Variants in PLS1 observed in about 807,000 individuals in gnomAD.
PLS1 encodes the protein plastin 1.
A neutral mutation model predicts 73.7 loss-of-function variants in PLS1; 32 were observed. That is an observed-to-expected ratio of 0.43 (90% confidence interval 0.33 to 0.58). The LOEUF (loss-of-function observed/expected upper bound fraction) is 0.58. PLS1 is among the 20% of genes least tolerant of loss of function. The probability of loss-of-function intolerance (pLI) is 0.04; values close to 1 mark genes in which losing one functional copy is unlikely to be tolerated. For synonymous variants in PLS1, 217 were observed against 261.3 expected (o/e 0.83, Z 1.63); for missense variants, 633 against 740.5 (o/e 0.85, Z 1.68).
intron 6 of PLS1, among the ~76,000 whole-genome samples, chr3:142,679,014 T>C (rs1235240681): frequency 3.3e-5 from 5 of 152,134 alleles, no homozygotes; most frequent in East Asian, 3.9e-4. Context: ...TGCATTTCTC[T>C]GATGGCCAGT....
intron 1 of PLS1, among the ~76,000 whole-genome samples, chr3:142,617,900 C>T (rs1384522912): frequency 6.6e-6 from 1 of 152,178 alleles, no homozygotes; most frequent in Non-Finnish European, 1.5e-5. Flanking sequence ...ATAGCTTGAA[C>T]CCAGGAGGCA....
At chr3:142,708,231 GATTT>G (rs1314489495) in intron 14 of PLS1, among the ~76,000 whole-genome samples, 3 of 151,938 alleles carry the variant, frequency 2.0e-5, no homozygotes, top group East Asian at 1.9e-4. Context: ...TGTTTTTCCA[GATTT>G]ATTTGTTTAT....
intron 5 of PLS1, among the ~76,000 whole-genome samples, chr3:142,676,648 A>G (rs2037732358): frequency 6.6e-6 from 1 of 152,214 alleles, no homozygotes; most frequent in African/African-American, 2.4e-5. Flanking sequence ...GGAAATGTAA[A>G]GGGAAGATAT....
chr3:142,666,652 G>A (rs1365946503), intron 2 of PLS1, among the ~76,000 whole-genome samples: 1 of 152,156 alleles, frequency 6.6e-6, no homozygotes, highest in Non-Finnish European at 1.5e-5. Flanking sequence ...ATTATTTTGA[G>A]TGTAAACATA....
At chr3:142,599,370 C>T (rs1374505265) in intron 1 of PLS1, among the ~76,000 whole-genome samples, 4 of 146,692 alleles carry the variant, frequency 2.7e-5, no homozygotes, top group Non-Finnish European at 6.0e-5. Context: ...CGCTCTGTCG[C>T]CCAGGCTGGA....
chr3:142,684,278 T>A lies in PLS1; in HGVS notation c.771T>A (p.Gly257=), dbSNP rs2037917327. The part of the protein sequence containing the change: ...NEALIALLNE[G]EELEELMKLS... ...CTCTGATTGCATTGTTAAATGAAGG[T>A]GAGGAACTAGAGGAGCTGATGAAGC... The change falls in exon 8 of 16, where the codon GGT becomes GGA. Residue 257 remains glycine, a synonymous_variant. Transcript: ENST00000457734. 1 of 1,614,002 alleles carries A rather than the reference T, an allele frequency of 6.2e-7. No homozygotes were observed.
chr3:142,644,456 T>C (rs551690874), intron 1 of PLS1, among the ~76,000 whole-genome samples: 92 of 152,230 alleles, frequency 6.0e-4, no homozygotes, highest in Non-Finnish European at 1.1e-3. Flanking sequence ...TCTCTCTGTG[T>C]TGTCCAGGCT....
chr3:142,627,729 C>T (rs2108575639), intron 1 of PLS1: 1 of 152,210 alleles, frequency 6.6e-6, no homozygotes, highest in Non-Finnish European at 1.5e-5. Context: ...CTCCCAGGCT[C>T]AAGAGATCCT....
chr3:142,694,799 G>A (rs533217193), intron 11 of PLS1, among the ~76,000 whole-genome samples: 1 of 152,214 alleles, frequency 6.6e-6, no homozygotes, highest in East Asian at 1.9e-4. Flanking sequence ...GTTATTGATT[G>A]TAAAAATAAT....
At chr3:142,675,941 G>A (rs2037715246) in intron 4 of PLS1, among the ~76,000 whole-genome samples, 1 of 147,202 alleles carries the variant, frequency 6.8e-6, no homozygotes, top group Admixed American at 6.8e-5. Flanking sequence ...AGTGCTTTGG[G>A]AAGTGCTGGG....
chr3:142,597,063 A>C (rs1361878121), intron 1 of PLS1, among the ~76,000 whole-genome samples: 1 of 152,192 alleles, frequency 6.6e-6, no homozygotes, highest in Non-Finnish European at 1.5e-5. Flanking sequence ...GTGGAGACTT[A>C]AAAAAATTTA....
At chr3:142,674,868 T>G (rs969606360) in intron 4 of PLS1, among the ~76,000 whole-genome samples, 3 of 152,118 alleles carry the variant, frequency 2.0e-5, no homozygotes, top group Non-Finnish European at 4.4e-5. Context: ...TAGCTGGGAT[T>G]ACAGGTGCCT....
At chr3:142,601,267 A>G (rs960246961) in intron 1 of PLS1, among the ~76,000 whole-genome samples, 5 of 151,844 alleles carry the variant, frequency 3.3e-5, no homozygotes, top group African/African-American at 1.2e-4. Flanking sequence ...GACGTTAGTG[A>G]AAATTGATTA....
intron 4 of PLS1, among the ~76,000 whole-genome samples, chr3:142,675,665 G>A (rs1429678631): frequency 2.0e-5 from 3 of 151,612 alleles, no homozygotes; most frequent in African/African-American, 7.3e-5. Flanking sequence ...GATTACAGGC[G>A]TGAGCCACCG....
At position 142,711,957 on chromosome 3, in the gene PLS1, A is replaced by T; in HGVS notation, c.1840A>T (p.Met614Leu). 1 of 1,613,576 alleles carries T rather than the reference A, an allele frequency of 6.2e-7. No homozygotes were observed. Among genetic ancestry groups the T allele is most frequent in the Non-Finnish European group, 8.5e-7 (1 of 1,179,484 alleles). ...CGTAGAAGTGAAACCAAAGATGGTTATGACGGTGTTTGCATGCTTAATGGG... is the reference window on the plus strand; with the variant it reads ...CGTAGAAGTGAAACCAAAGATGGTTTTGACGGTGTTTGCATGCTTAATGGG... ...DLVEVKPKMV[M>L]TVFACLMGKG... Residue 614 changes from methionine to leucine, a missense_variant, in exon 16 of 16, where the codon ATG becomes TTG. Transcript: ENST00000457734.
chr3:142,711,249 A>G (rs1314608151), intron 14 of PLS1, among the ~76,000 whole-genome samples: 1 of 152,192 alleles, frequency 6.6e-6, no homozygotes, highest in Non-Finnish European at 1.5e-5. Context: ...CACTATAGTT[A>G]GCATACTTAG....
At chr3:142,616,560 A>T (rs955731172) in intron 1 of PLS1, among the ~76,000 whole-genome samples, 1 of 152,064 alleles carries the variant, frequency 6.6e-6, no homozygotes, top group Admixed American at 6.6e-5. Flanking sequence ...TTTTGTATCT[A>T]TTCATTTTCA....
At chr3:142,646,392 G>A (rs1213172394) in intron 1 of PLS1, among the ~76,000 whole-genome samples, 1 of 152,182 alleles carries the variant, frequency 6.6e-6, no homozygotes, top group Non-Finnish European at 1.5e-5. Flanking sequence ...ATGAGTTCAG[G>A]TCAGGAGAAG....
At chr3:142,664,032 G>T in intron 1 of PLS1, 170 bp from the exon 2 acceptor site, 2 of 325,704 alleles carry the variant, frequency 6.1e-6, no homozygotes, top group Non-Finnish European at 1.1e-5. Flanking sequence ...TTATAGTTTG[G>T]CTGGCCTATG....
Sources: allele counts gnomAD v4.1 joint callset (sites outside exome capture counted in the v4.1 genomes callset), GRCh38; gene constraint gnomAD v4.1.1; transcripts MANE v1.5; gene names NCBI Gene and HGNC (gene_info 2026-07-23, HGNC 2026-07-21).